The following EXOC4 variants were observed in gnomAD, a reference collection of about 807,000 sequenced individuals.
The protein encoded by EXOC4 is SEC8-like 1.
Under a neutral mutation model 107.2 loss-of-function variants are expected in EXOC4, and 71 were observed. That is an observed-to-expected ratio of 0.66 (90% CI 0.55 to 0.81). EXOC4 has a LOEUF of 0.81. Ranked by LOEUF, EXOC4 falls within the 30% of genes least tolerant of loss-of-function variation. EXOC4 has a pLI of 0.00. For synonymous variants in EXOC4, 456 were observed against 441.2 expected (o/e 1.03, Z -0.42); for missense variants, 1,108 against 1,189.6 (o/e 0.93, Z 1.01).
intron 10 of EXOC4, among the ~76,000 whole-genome samples, chr7:133,693,631 C>A (rs1347031316): frequency 6.6e-6 from 1 of 152,058 alleles, no homozygotes; most frequent in Non-Finnish European, 1.5e-5. Flanking sequence ...TTCCAGGGCC[C>A]ACTCTCTTGA....
intron 10 of EXOC4, among the ~76,000 whole-genome samples, chr7:133,631,882 A>G (rs767284397): frequency 6.6e-6 from 1 of 152,096 alleles, no homozygotes; most frequent in Non-Finnish European, 1.5e-5. Context: ...CATGATAGGC[A>G]TCTTCTAACC....
At chr7:133,454,796 A>G (rs145646985) in intron 7 of EXOC4, among the ~76,000 whole-genome samples, 39 of 152,230 alleles carry the variant, frequency 2.6e-4, no homozygotes, top group African/African-American at 9.1e-4. Context: ...GAACCACTCT[A>G]TATACTATGA....
At chr7:133,593,813 A>T (rs1410778147) in intron 9 of EXOC4, among the ~76,000 whole-genome samples, 1 of 152,250 alleles carries the variant, frequency 6.6e-6, no homozygotes, top group East Asian at 1.9e-4. Flanking sequence ...TAAGAATAAT[A>T]TGCAAAATTA....
At chr7:133,665,689 C>T (rs1793794760) in intron 10 of EXOC4, among the ~76,000 whole-genome samples, 1 of 152,096 alleles carries the variant, frequency 6.6e-6, no homozygotes, top group Admixed American at 6.6e-5. Flanking sequence ...CCTTCCTGCC[C>T]TCTGAATCTC....
chr7:133,821,978 T>A (rs1198811425), intron 11 of EXOC4, among the ~76,000 whole-genome samples: 1 of 152,200 alleles, frequency 6.6e-6, no homozygotes, highest in East Asian at 1.9e-4. Flanking sequence ...TTTAAGATAG[T>A]TAATGGTGCT....
chr7:133,292,994 T>C (rs887890647), intron 3 of EXOC4, among the ~76,000 whole-genome samples: 1 of 152,340 alleles, frequency 6.6e-6, no homozygotes, highest in South Asian at 2.1e-4. Flanking sequence ...TCCCTTTTCG[T>C]AGTAATTAAA....
At chr7:133,562,729 C>CAACG (rs1800833880) in intron 9 of EXOC4, among the ~76,000 whole-genome samples, 1 of 152,124 alleles carries the variant, frequency 6.6e-6, no homozygotes. Flanking sequence ...ACAACGAATA[C>CAACG]ATTATTGGGT....
At chr7:133,263,113 T>C (rs1463368659) in intron 1 of EXOC4, among the ~76,000 whole-genome samples, 1 of 152,204 alleles carries the variant, frequency 6.6e-6, no homozygotes, top group African/African-American at 2.4e-5. Flanking sequence ...TCCTCAGCCA[T>C]GCTGAACTGT....
intron 15 of EXOC4, among the ~76,000 whole-genome samples, chr7:134,004,502 G>A (rs1029967691): frequency 6.6e-6 from 1 of 152,118 alleles, no homozygotes; most frequent in African/African-American, 2.4e-5. Flanking sequence ...CATCTTCATT[G>A]CAACAATATC....
intron 9 of EXOC4, among the ~76,000 whole-genome samples, chr7:133,545,402 G>T (rs540469664): frequency 5.9e-5 from 9 of 151,936 alleles, no homozygotes; most frequent in African/African-American, 2.2e-4. Context: ...GCCTAGAACC[G>T]CAGAAAACTT....
intron 13 of EXOC4, 42 bp downstream of exon 13, chr7:133,917,780 A>T (rs1257292209): frequency 1.3e-6 from 2 of 1,571,180 alleles, no homozygotes; most frequent in Admixed American, 3.6e-5. Flanking sequence ...CATAGGGAGG[A>T]AGCACATCTG....
At chr7:133,450,027 T>A (rs113464188) in intron 7 of EXOC4, among the ~76,000 whole-genome samples, 3 of 151,876 alleles carry the variant, frequency 2.0e-5, no homozygotes, top group Non-Finnish European at 2.9e-5. Context: ...GTCCCCTCTT[T>A]AAAAAAAATC....
chr7:133,621,067 T>C (rs1165667906), intron 9 of EXOC4, among the ~76,000 whole-genome samples: 1 of 152,196 alleles, frequency 6.6e-6, no homozygotes, highest in Non-Finnish European at 1.5e-5. Flanking sequence ...TATAGAAACA[T>C]TGGGCACTGC....
At chr7:133,462,837 A>G (rs1012121769) in intron 7 of EXOC4, among the ~76,000 whole-genome samples, 1 of 152,212 alleles carries the variant, frequency 6.6e-6, no homozygotes, top group South Asian at 2.1e-4. Flanking sequence ...CTTTAGTTTA[A>G]TCAACTGGTA....
chr7:133,479,860 A>G (rs534750028), intron 8 of EXOC4, among the ~76,000 whole-genome samples, 190 bp from the exon 9 acceptor site: 3 of 152,368 alleles, frequency 2.0e-5, no homozygotes, highest in Non-Finnish European at 4.4e-5. Flanking sequence ...AGCCTTAGCC[A>G]GGAATATCGC....
intron 9 of EXOC4, among the ~76,000 whole-genome samples, chr7:133,514,196 G>A (rs1234988685): frequency 4.7e-5 from 7 of 150,304 alleles, no homozygotes; most frequent in East Asian, 1.9e-4. Flanking sequence ...CAGGAGTCTC[G>A]CTCTGTCGCC....
At chr7:133,878,904 T>C (rs1798905856) in intron 11 of EXOC4, among the ~76,000 whole-genome samples, 2 of 152,002 alleles carry the variant, frequency 1.3e-5, no homozygotes, top group Non-Finnish European at 2.9e-5. Flanking sequence ...TTTGTATTTT[T>C]AGTAGAGATG....
rs543656257 is a variant in EXOC4 at position 133,868,658 on chromosome 7, G to A, written c.1735-26941G>A. ...TGTCGGGAATTCAAAATAGAGATTA[G>A]GTTGTTTCTCAGCCTTCCCTCCTAT... is the stretch of plus-strand genomic sequence containing the variant. On this transcript the variant is annotated intron_variant, in intron 11 of 17. Transcript: ENST00000253861. Among the ~76,000 whole-genome samples the A allele has an allele frequency of 7.2e-5, 11 of 152,198 alleles. No individual in the cohort carries two copies. In the South Asian group the frequency reaches 2.3e-3, roughly 32 times the overall value.
At chr7:133,626,618 T>TA (rs776401024) in intron 9 of EXOC4, among the ~76,000 whole-genome samples, 13 of 152,118 alleles carry the variant, frequency 8.5e-5, no homozygotes, top group Non-Finnish European at 1.8e-4. Context: ...TTATTTAGCT[T>TA]AACTGCACTA....
Sources: gnomAD v4.1 joint callset for allele counts (sites outside exome capture counted in the v4.1 genomes callset) on GRCh38, gnomAD v4.1.1 for gene constraint, MANE v1.5 for transcripts, NCBI Gene and HGNC (gene_info 2026-07-23, HGNC 2026-07-21) for gene names.